The following TCF7L2 variants were observed in gnomAD, a reference collection of about 807,000 sequenced individuals.
TCF7L2 encodes transcription factor 7-like 2.
In TCF7L2, 23 loss-of-function variants were observed where a neutral mutation model predicts 77.9. The observed-to-expected ratio is 0.30, with a 90% CI of 0.21 to 0.42. The LOEUF (loss-of-function observed/expected upper bound fraction) is 0.42. TCF7L2 is among the 10% of genes least tolerant of loss of function. The probability of loss-of-function intolerance (pLI) is 1.00; values close to 1 mark genes in which losing one functional copy is unlikely to be tolerated. For synonymous variants in TCF7L2, 413 were observed against 340.2 expected (o/e 1.21, Z -2.36); for missense variants, 654 against 793.1 (o/e 0.82, Z 2.11).
At chr10:113,126,556 C>T (rs2065639302) in intron 5 of TCF7L2, 6 of 984,994 alleles carry the variant, frequency 6.1e-6, no homozygotes, top group Non-Finnish European at 7.2e-6. Flanking sequence ...AGTAAGAAAG[C>T]CCTGCCTTTT....
At chr10:112,983,918 G>A (rs1462562637) in intron 4 of TCF7L2, among the ~76,000 whole-genome samples, 1 of 152,166 alleles carries the variant, frequency 6.6e-6, no homozygotes, top group Non-Finnish European at 1.5e-5. Flanking sequence ...AGATGACAGT[G>A]GTGCAGTAGG....
chr10:112,957,225 A>G (rs977254724), intron 3 of TCF7L2, among the ~76,000 whole-genome samples: 4 of 62,212 alleles, frequency 6.4e-5, no homozygotes, highest in East Asian at 4.3e-4. Context: ...TTGAGATTAC[A>G]TTGCCTATAT....
chr10:112,962,891 GCC>G (rs1301828813), intron 3 of TCF7L2, among the ~76,000 whole-genome samples: 1 of 152,194 alleles, frequency 6.6e-6, no homozygotes, highest in Non-Finnish European at 1.5e-5. Context: ...GAGCCACTGC[GCC>G]CTGCCAGCGG....
At chr10:113,046,864 C>T (rs1554973117) in intron 5 of TCF7L2, among the ~76,000 whole-genome samples, 2 of 151,886 alleles carry the variant, frequency 1.3e-5, no homozygotes, top group Non-Finnish European at 2.9e-5. Context: ...ATCCTTTTTT[C>T]CTCTGAGTGT....
At chr10:113,003,268 C>T (rs1171741463) in intron 4 of TCF7L2, among the ~76,000 whole-genome samples, 2 of 152,186 alleles carry the variant, frequency 1.3e-5, no homozygotes, top group Non-Finnish European at 2.9e-5. Context: ...GTGATCAGGT[C>T]TTGATTTGGG....
chr10:113,133,180 T>A (rs1409602495), intron 5 of TCF7L2: 12 of 152,226 alleles, frequency 7.9e-5, no homozygotes, highest in Admixed American at 7.9e-4. Flanking sequence ...CTTTACTGGG[T>A]CGGCCCTTGG....
intron 4 of TCF7L2, among the ~76,000 whole-genome samples, chr10:113,029,145 C>T (rs796355276): frequency 7.2e-5 from 11 of 152,114 alleles, no homozygotes; most frequent in African/African-American, 2.2e-4. Flanking sequence ...GGTAGAGAAA[C>T]TGAGGTCACA....
chr10:112,961,265 C>CCCCG lies in TCF7L2; in HGVS notation c.382-3289_382-3288insCGCC, dbSNP rs1564713308. ...CCCGACCTCAGGTGACCCCCCCCCC[C>CCCCG]CCAACCTCGGCCTTCCAAAGCGCTG... is the stretch of plus-strand genomic sequence containing the variant. On this transcript the variant is annotated intron_variant, in intron 3 of 13. Transcript: ENST00000627217. 2.2e-5 allele frequency among the ~76,000 whole-genome samples: 3 copies of CCCCG among 134,810 alleles called. 1 individual carries two copies. The highest frequency in any genetic ancestry group is 9.0e-5 in the African/African-American group (3 of 33,462). 88.4% of individuals were successfully genotyped at this position (134,810 alleles called of 152,430 possible).
intron 13 of TCF7L2, among the ~76,000 whole-genome samples, chr10:113,164,707 C>T (rs2073793418): frequency 6.6e-6 from 1 of 151,946 alleles, no homozygotes. Flanking sequence ...TTATTCTTCC[C>T]CCTCCCCCAC....
rs748213322 is a variant in TCF7L2, at chr10:113,038,507, A to G, written c.451-1518A>G. Among the ~76,000 whole-genome samples the G allele has an allele frequency of 6.6e-5, 10 of 152,196 alleles. 1 individual carries two copies. The highest frequency in any genetic ancestry group is 1.7e-4 in the African/African-American group (7 of 41,444). ...AACCAAATTTGGTTTGAATTTGCCA[A>G]GCAGTCGTATCTTCGAGGAACTCCG... On this transcript the variant is annotated intron_variant, in intron 4 of 13. Coordinates refer to ENST00000627217, the MANE Select transcript of TCF7L2 (RefSeq NM_001146274.2).
intron 11 of TCF7L2, among the ~76,000 whole-genome samples, chr10:113,155,449 T>C (rs769628185): frequency 6.6e-6 from 1 of 152,120 alleles, no homozygotes; most frequent in Non-Finnish European, 1.5e-5. Flanking sequence ...CTTCACTAAG[T>C]GTAGGGTTTA....
At chr10:112,978,992 C>T (rs1285250763) in intron 4 of TCF7L2, among the ~76,000 whole-genome samples, 1 of 152,146 alleles carries the variant, frequency 6.6e-6, no homozygotes, top group Non-Finnish European at 1.5e-5. Context: ...TTTATCCCTA[C>T]TCCTACATTG....
intron 4 of TCF7L2, among the ~76,000 whole-genome samples, chr10:113,019,896 C>CGGATGGA (rs1466414236): frequency 6.6e-6 from 1 of 151,872 alleles, no homozygotes; most frequent in African/African-American, 2.4e-5. Flanking sequence ...TGCAGTGATA[C>CGGATGGA]GGATGGAGGC....
chr10:112,951,049 C>T (rs2030856682), intron 1 of TCF7L2, 104 bp downstream of exon 1: 3 of 1,434,538 alleles, frequency 2.1e-6, no homozygotes, highest in East Asian at 2.5e-5. Flanking sequence ...CGGCGGGGCC[C>T]GGCGGGCGGC....
chr10:112,979,052 G>C (rs1387893537), intron 4 of TCF7L2, among the ~76,000 whole-genome samples: 1 of 152,110 alleles, frequency 6.6e-6, no homozygotes, highest in Non-Finnish European at 1.5e-5. Flanking sequence ...CTTTTATGTG[G>C]GGAGGAGGTG....
chr10:112,965,718 G>C (rs1425964198), intron 4 of TCF7L2, among the ~76,000 whole-genome samples: 1 of 150,054 alleles, frequency 6.7e-6, no homozygotes, highest in African/African-American at 2.5e-5. Context: ...TTGTAGCTCT[G>C]TCATCTCAGT....
intron 5 of TCF7L2, among the ~76,000 whole-genome samples, chr10:113,050,071 G>A (rs1048617304): frequency 2.6e-5 from 4 of 152,216 alleles, no homozygotes; most frequent in African/African-American, 4.8e-5. Context: ...CTGCTGAAGA[G>A]CTCTGGATGG....
intron 5 of TCF7L2, 63 bp downstream of exon 5, chr10:113,040,189 T>C: frequency 2.1e-6 from 3 of 1,454,944 alleles, no homozygotes; most frequent in Non-Finnish European, 2.9e-6. Flanking sequence ...AAATGCTTTT[T>C]TGATGATAAC....
chr10:112,990,856 C>A (rs958877696), intron 4 of TCF7L2, among the ~76,000 whole-genome samples: 14 of 152,124 alleles, frequency 9.2e-5, no homozygotes, highest in Non-Finnish European at 1.8e-4. Context: ...CCAAGACAGA[C>A]CGTTTGATGG....
Sources: gnomAD v4.1 joint callset for allele counts (sites outside exome capture counted in the v4.1 genomes callset) on GRCh38, gnomAD v4.1.1 for gene constraint, MANE v1.5 for transcripts, NCBI Gene and HGNC (gene_info 2026-07-23, HGNC 2026-07-21) for gene names.